The following PRPF18 variants were observed in gnomAD, a reference collection of about 807,000 sequenced individuals.
The protein encoded by PRPF18 is pre-mRNA processing factor 18.
PRPF18 carries 38 observed loss-of-function variants against 46.5 expected under a neutral mutation model. That is an observed-to-expected ratio of 0.82 (90% CI 0.63 to 1.07). The LOEUF (loss-of-function observed/expected upper bound fraction) is 1.07. PRPF18 is among the 50% of genes least tolerant of loss of function. PRPF18 has a pLI of 0.00. For synonymous variants in PRPF18, 152 were observed against 146.7 expected (o/e 1.04, Z -0.26); for missense variants, 263 against 410.0 (o/e 0.64, Z 3.10).
chr10:13,655,890 G>A, the PRPF18 span: 1 of 152,010 alleles, frequency 6.6e-6, no homozygotes, highest in Non-Finnish European at 1.5e-5. Flanking sequence ...ACTGCTCAAT[G>A]TTGGTCATTG....
Position 13,630,744 on chromosome 10 carries a change from TTATA to T in PRPF18, c.*407_*410del, listed in dbSNP as rs2080582719. The T allele has an allele frequency of 6.6e-6, 1 of 151,994 alleles. No individual in the cohort carries two copies. Among genetic ancestry groups the T allele is most frequent in the Non-Finnish European group, 1.5e-5 (1 of 67,998 alleles). 9.4% of individuals were successfully genotyped at this position (151,994 alleles called of 1,614,324 possible). On this transcript the variant is annotated 3_prime_UTR_variant, in exon 10 of 10. Coordinates refer to ENST00000378572, the MANE Select transcript of PRPF18 (RefSeq NM_003675.4). ...TTGCCTATTGTCTTTTATGTAATAT[TTATA>T]TAAAATATTTTTATATATTTCAAAA...
chr10:13,648,953 G>A, the PRPF18 span, among the ~76,000 whole-genome samples: 1 of 152,048 alleles, frequency 6.6e-6, no homozygotes, highest in Non-Finnish European at 1.5e-5. Flanking sequence ...AAATAAATTT[G>A]AGGATTCTGC....
the PRPF18 span, chr10:13,637,188 G>A: frequency 6.6e-6 from 1 of 152,110 alleles, no homozygotes; most frequent in South Asian, 2.1e-4. Flanking sequence ...ATATACCAAG[G>A]TATGAAATTT....
At chr10:13,638,427 G>T in the PRPF18 span, among the ~76,000 whole-genome samples, 1 of 151,832 alleles carries the variant, frequency 6.6e-6, no homozygotes, top group South Asian at 2.1e-4. Flanking sequence ...TTGCGGGGGA[G>T]GGAGAGAGAT....
chr10:13,610,246 G>A (rs2080251382), intron 5 of PRPF18, 61 bp downstream of exon 5: 5 of 1,545,770 alleles, frequency 3.2e-6, no homozygotes, highest in Non-Finnish European at 4.4e-6. Context: ...TGGAGCAGAT[G>A]ACTGAGTCGG....
the PRPF18 span, among the ~76,000 whole-genome samples, chr10:13,636,394 G>C: frequency 1.3e-5 from 2 of 152,320 alleles, no homozygotes; most frequent in African/African-American, 4.8e-5. Context: ...GTTCCAGCCT[G>C]GGTGACAGAG....
At chr10:13,603,262 G>A (rs1042952928) in intron 3 of PRPF18, among the ~76,000 whole-genome samples, 1 of 151,908 alleles carries the variant, frequency 6.6e-6, no homozygotes, top group Non-Finnish European at 1.5e-5. Context: ...TTTCACTGAT[G>A]TCCCTTTAGT....
chr10:13,606,814 A>C (rs1288726956), intron 4 of PRPF18, among the ~76,000 whole-genome samples: 2 of 148,716 alleles, frequency 1.3e-5, no homozygotes, highest in East Asian at 2.0e-4. Flanking sequence ...GAACTATGTT[A>C]TTTTTCTTGG....
chr10:13,609,061 T>C (rs2080233543), intron 4 of PRPF18, among the ~76,000 whole-genome samples: 1 of 152,230 alleles, frequency 6.6e-6, no homozygotes, highest in Admixed American at 6.5e-5. Flanking sequence ...TGAATGTTTC[T>C]CTTCTGTGTT....
chr10:13,618,293 T>C (rs2080373623), intron 9 of PRPF18, among the ~76,000 whole-genome samples: 1 of 152,154 alleles, frequency 6.6e-6, no homozygotes, highest in African/African-American at 2.4e-5. Context: ...TGGACCCATA[T>C]ACCCTTTTGC....
chr10:13,610,256 G>A, intron 5 of PRPF18, 71 bp downstream of exon 5: 4 of 1,519,230 alleles, frequency 2.6e-6, no homozygotes, highest in Non-Finnish European at 9.0e-7. Context: ...GACTGAGTCG[G>A]GCAGATTGTT....
downstream of PRPF18, among the ~76,000 whole-genome samples, chr10:13,632,306 A>C (rs577717291): frequency 2.7e-4 from 41 of 152,144 alleles, no homozygotes; most frequent in African/African-American, 8.7e-4. Context: ...GTGCCACTGC[A>C]CTCCAGCCTG....
downstream of PRPF18, among the ~76,000 whole-genome samples, chr10:13,632,996 A>G (rs1458626077): frequency 6.6e-6 from 1 of 152,212 alleles, no homozygotes; most frequent in African/African-American, 2.4e-5. Flanking sequence ...TCAGAAGTAA[A>G]TAGTGCATTT....
chr10:13,593,458 G>A (rs1250935075), intron 1 of PRPF18, among the ~76,000 whole-genome samples: 1 of 152,204 alleles, frequency 6.6e-6, no homozygotes, highest in African/African-American at 2.4e-5. Context: ...CAGAATGGAT[G>A]TCCACATGCT....
chr10:13,651,718 G>C, the PRPF18 span: 1 of 606,648 alleles, frequency 1.6e-6, no homozygotes, highest in Non-Finnish European at 3.0e-6. Context: ...GCAGTGTTAG[G>C]AATATCATAA....
intron 3 of PRPF18, among the ~76,000 whole-genome samples, chr10:13,602,565 G>T (rs1449160135): frequency 6.6e-6 from 1 of 151,060 alleles, no homozygotes; most frequent in Non-Finnish European, 1.5e-5. Context: ...GTTCCTAAGA[G>T]TTAAACAAAG....
intron 1 of PRPF18, among the ~76,000 whole-genome samples, chr10:13,592,696 T>A (rs2079981672): frequency 6.6e-6 from 1 of 152,226 alleles, no homozygotes; most frequent in Admixed American, 6.5e-5. Flanking sequence ...TTGGTGAGTT[T>A]TCATTTAATG....
chr10:13,650,422 G>A, the PRPF18 span, among the ~76,000 whole-genome samples: 2 of 150,128 alleles, frequency 1.3e-5, no homozygotes, highest in African/African-American at 5.0e-5. Flanking sequence ...GCATGAACTC[G>A]TGTATGTATT....
chr10:13,614,042 A>G lies in PRPF18; in HGVS notation c.748A>G (p.Ile250Val), dbSNP rs769643891. The change falls in exon 8 of 10, where the codon ATA becomes GTA. Residue 250 changes from isoleucine to valine, a missense_variant. Coordinates refer to ENST00000378572, the MANE Select transcript of PRPF18 (RefSeq NM_003675.4). ...TCTTCCTGCTGATATTAAAGAATCA[A>G]TAACGGATATTATTAAATTCATGTT... The part of the protein sequence containing the change: ...RNLPADIKES[I>V]TDIIKFMLQR... 41 of 1,589,166 alleles carry G rather than the reference A, an allele frequency of 2.6e-5. 1 individual carries two copies. In the South Asian group the frequency reaches 4.3e-4, roughly 17 times the overall value.
Sources: allele counts gnomAD v4.1 joint callset (sites outside exome capture counted in the v4.1 genomes callset), GRCh38; gene constraint gnomAD v4.1.1; transcripts MANE v1.5; gene names NCBI Gene and HGNC (gene_info 2026-07-23, HGNC 2026-07-21).